The following CNTN5 variants were observed in gnomAD, a reference collection of about 807,000 sequenced individuals.
CNTN5 encodes contactin 5.
A neutral mutation model predicts 129.1 loss-of-function variants in CNTN5; 77 were observed. The ratio of observed to expected loss-of-function variants is 0.60; its 90% CI spans 0.50 to 0.72. The LOEUF (loss-of-function observed/expected upper bound fraction) is 0.72. CNTN5 is among the 30% of genes least tolerant of loss of function. The probability of loss-of-function intolerance (pLI) is 0.00; values close to 1 mark genes in which losing one functional copy is unlikely to be tolerated. For missense variants in CNTN5, 1,478 were observed against 1,328.8 expected, an observed-to-expected ratio of 1.11 and a Z score of -1.75; for synonymous variants, 509 against 465.6, an observed-to-expected ratio of 1.09 and a Z score of -1.20.
intron 13 of CNTN5, among the ~76,000 whole-genome samples, chr11:100,170,904 A>C (rs2138407999): frequency 6.6e-6 from 1 of 151,626 alleles, no homozygotes; most frequent in South Asian, 2.1e-4. Flanking sequence ...CAAAAAAAAA[A>C]CTTTTTATTT....
chr11:99,211,907 G>T (rs1859814499), intron 1 of CNTN5, among the ~76,000 whole-genome samples: 1 of 151,806 alleles, frequency 6.6e-6, no homozygotes, highest in African/African-American at 2.4e-5. Context: ...CTTTACTTTT[G>T]ATTTAAAAGC....
intron 1 of CNTN5, among the ~76,000 whole-genome samples, chr11:99,087,440 G>T (rs549318187): frequency 6.6e-6 from 1 of 152,326 alleles, no homozygotes; most frequent in East Asian, 1.9e-4. Context: ...CAGATACAAT[G>T]TGAGGTACTG....
At chr11:99,637,010 CAAAAAAAAAAA>C (rs869133131) in intron 3 of CNTN5, among the ~76,000 whole-genome samples, 142 of 7,824 alleles carry the variant, frequency 0.018, 4 homozygotes, top group African/African-American at 0.034. Flanking sequence ...AACTTTGTCT[CAAAAAAAAAAA>C]AAAAAAAAAA....
intron 2 of CNTN5, among the ~76,000 whole-genome samples, chr11:99,418,043 G>C (rs1023963889): frequency 1.3e-5 from 2 of 152,048 alleles, no homozygotes; most frequent in African/African-American, 4.8e-5. Context: ...AACTGCTCAA[G>C]GTTTTTAAAG....
intron 1 of CNTN5, among the ~76,000 whole-genome samples, chr11:99,235,799 A>AT (rs1356412891): frequency 9.9e-5 from 15 of 152,270 alleles, no homozygotes; most frequent in African/African-American, 3.6e-4. Context: ...GACAGTGGCA[A>AT]TTGTCTGGAA....
chr11:100,207,807 T>C lies in CNTN5; in HGVS notation c.1884+14144T>C, dbSNP rs75044745. On this transcript the variant is annotated intron_variant, in intron 15 of 24. Coordinates refer to ENST00000524871, the MANE Select transcript of CNTN5 (RefSeq NM_014361.4). The stretch of plus-strand genomic sequence containing the variant: ...TTCCAACAGTCTGCTATGGTGTCTC[T>C]GGTGTTTAAAATTACTGTAGCTCTA... 6.7e-3 allele frequency among the ~76,000 whole-genome samples: 1,014 copies of C among 152,330 alleles called. 22 individuals are homozygous for C. Among genetic ancestry groups the C allele is most frequent in the African/African-American group, 0.023 (970 of 41,576 alleles).
In CNTN5 at chr11:100,135,176, G is replaced by GTTT. The variant is rs10652749; in HGVS notation, c.1581-55935_1581-55933dup. 9.0e-4 allele frequency among the ~76,000 whole-genome samples: 114 copies of GTTT among 127,058 alleles called. 2 individuals are homozygous for GTTT. The highest frequency in any genetic ancestry group is 1.2e-3 in the African/African-American group (40 of 34,642). 83.4% of individuals were successfully genotyped at this position (127,058 alleles called of 152,430 possible). On this transcript the variant is annotated intron_variant, in intron 13 of 24. Transcript: ENST00000524871. ...ATCTTGTTAGGTTGGATATAAAAGT[G>GTTT]TTTTTTTTTTTTTTTTTGAGACAGA...
intron 7 of CNTN5, among the ~76,000 whole-genome samples, chr11:99,918,213 C>G (rs1177905813): frequency 6.6e-6 from 1 of 152,120 alleles, no homozygotes; most frequent in Non-Finnish European, 1.5e-5. Context: ...TTTGTCATCT[C>G]TCTTTTGCTT....
intron 1 of CNTN5, among the ~76,000 whole-genome samples, chr11:99,228,477 A>G (rs1241940232): frequency 6.6e-6 from 1 of 152,144 alleles, no homozygotes; most frequent in Non-Finnish European, 1.5e-5. Flanking sequence ...AGCTGGAAGC[A>G]AGGACTTGAA....
chr11:99,719,526 A>G (rs920931534), intron 3 of CNTN5, among the ~76,000 whole-genome samples: 3 of 152,090 alleles, frequency 2.0e-5, no homozygotes, highest in Admixed American at 2.0e-4. Flanking sequence ...GCAATGAATT[A>G]GAAATTCAAC....
chr11:99,492,189 T>C (rs1774603860), intron 2 of CNTN5, among the ~76,000 whole-genome samples: 2 of 152,206 alleles, frequency 1.3e-5, no homozygotes, highest in South Asian at 4.1e-4. Flanking sequence ...GGTGAAGACA[T>C]GTTGGCTGAC....
At chr11:100,137,622 T>C (rs1157437022) in intron 13 of CNTN5, among the ~76,000 whole-genome samples, 1 of 152,100 alleles carries the variant, frequency 6.6e-6, no homozygotes, top group African/African-American at 2.4e-5. Flanking sequence ...GTATCAAGTG[T>C]CCTGGAGTAA....
At chr11:99,080,920 C>T (rs17132928) in intron 1 of CNTN5, among the ~76,000 whole-genome samples, 26,701 of 150,272 alleles carry the variant, frequency 0.18, 3,430 homozygotes, top group East Asian at 0.43. Flanking sequence ...TCCTTAGAGA[C>T]AGTTGCATTT....
intron 3 of CNTN5, among the ~76,000 whole-genome samples, chr11:99,778,699 C>T (rs1145378): frequency 0.23 from 34,573 of 151,332 alleles, 4,685 homozygotes; most frequent in Non-Finnish European, 0.32. Flanking sequence ...AGATCTTCTC[C>T]AAGGACAAGT....
intron 3 of CNTN5, among the ~76,000 whole-genome samples, chr11:99,727,385 T>C (rs930650632): frequency 1.6e-4 from 22 of 138,934 alleles, no homozygotes; most frequent in Non-Finnish European, 3.4e-4. Context: ...TGTTATGAAA[T>C]AAACAATGAT....
At chr11:100,325,830 A>G (rs1951777288) in intron 21 of CNTN5, among the ~76,000 whole-genome samples, 1 of 152,246 alleles carries the variant, frequency 6.6e-6, no homozygotes, top group Non-Finnish European at 1.5e-5. Context: ...CAGATAAGAC[A>G]CAAAGGTGAT....
At chr11:99,598,940 C>T (rs1023303605) in intron 3 of CNTN5, among the ~76,000 whole-genome samples, 1 of 151,876 alleles carries the variant, frequency 6.6e-6, no homozygotes, top group Non-Finnish European at 1.5e-5. Flanking sequence ...CAAAATTATG[C>T]CTATGATATA....
At chr11:99,821,016 A>G (rs1946784924) in intron 4 of CNTN5, among the ~76,000 whole-genome samples, 1 of 152,244 alleles carries the variant, frequency 6.6e-6, no homozygotes, top group African/African-American at 2.4e-5. Context: ...GCATGATGTT[A>G]GAACTCCAGA....
At chr11:99,125,394 A>C (rs529842400) in intron 1 of CNTN5, among the ~76,000 whole-genome samples, 1 of 152,160 alleles carries the variant, frequency 6.6e-6, no homozygotes, top group African/African-American at 2.4e-5. Context: ...CTTTTGATAA[A>C]ATTTTACATC....
Sources: allele counts gnomAD v4.1 joint callset (sites outside exome capture counted in the v4.1 genomes callset), GRCh38; gene constraint gnomAD v4.1.1; transcripts MANE v1.5; gene names NCBI Gene and HGNC (gene_info 2026-07-23, HGNC 2026-07-21).